RP1: variants seen among roughly 807,000 people sequenced by gnomAD.
RP1 encodes the protein RP1 axonemal microtubule associated.
In RP1, 16 loss-of-function variants were observed where a neutral mutation model predicts 14.8. That is an observed-to-expected ratio of 1.08 (90% CI 0.73 to 1.65). The LOEUF (loss-of-function observed/expected upper bound fraction) is 1.65. Among genes scored for constraint, RP1 ranks in the 40% most tolerant of loss-of-function variants. RP1 has a pLI of 0.00. For missense variants in RP1, 2,631 were observed against 2,535.0 expected (o/e 1.04, Z -0.81); for synonymous variants, 876 against 883.6 (o/e 0.99, Z 0.15).
At chr8:54,631,610 G>C (rs1432196533), downstream of RP1, among the ~76,000 whole-genome samples, 2 of 151,672 alleles carry the variant, frequency 1.3e-5, no homozygotes, top group Non-Finnish European at 2.9e-5. Context: ...TTTACAGTAG[G>C]GTATCATGCC....
At chr8:54,582,010 G>T (rs1387534176) in intron 1 of RP1, among the ~76,000 whole-genome samples, 2 of 152,168 alleles carry the variant, frequency 1.3e-5, no homozygotes, top group East Asian at 3.8e-4. Flanking sequence ...AGTTTAATTA[G>T]ATCCCATTTG....
chr8:54,769,904 G>T, exon 23 of RP1: 6 of 705,534 alleles, frequency 8.5e-6, no homozygotes, highest in South Asian at 2.0e-5. Flanking sequence ...CATCCCCTTT[G>T]ATATTTATCT....
At chr8:54,748,086 C>T (rs908312968) in intron 19 of RP1, among the ~76,000 whole-genome samples, 1 of 152,166 alleles carries the variant, frequency 6.6e-6, no homozygotes, top group Non-Finnish European at 1.5e-5. Flanking sequence ...TTATTTTAAC[C>T]TACTGCTGGT....
chr8:54,584,139 G>T (rs1337292404), intron 1 of RP1, among the ~76,000 whole-genome samples: 1 of 152,148 alleles, frequency 6.6e-6, no homozygotes, highest in Non-Finnish European at 1.5e-5. Flanking sequence ...TGGGCATTTA[G>T]TGCTATAAAT....
At chr8:54,804,633 T>C (rs1810802006) in intron 24 of RP1, among the ~76,000 whole-genome samples, 1 of 152,032 alleles carries the variant, frequency 6.6e-6, no homozygotes, top group African/African-American at 2.4e-5. Context: ...CAAAAAAACA[T>C]TAAAACCAAA....
At chr8:54,780,110 G>T (rs551472412) in intron 23 of RP1, among the ~76,000 whole-genome samples, 1 of 152,200 alleles carries the variant, frequency 6.6e-6, no homozygotes, top group Non-Finnish European at 1.5e-5. Context: ...CCTGGGTTAG[G>T]CTTTTCAGGC....
At chr8:54,854,824 C>G (rs558137598) in intron 26 of RP1, among the ~76,000 whole-genome samples, 1 of 152,276 alleles carries the variant, frequency 6.6e-6, no homozygotes, top group South Asian at 2.1e-4. Context: ...AAGACAGCAC[C>G]ATTGCACTCC....
At chr8:54,561,779 T>G (rs1415891014) in intron 1 of RP1, 1 of 152,232 alleles carries the variant, frequency 6.6e-6, no homozygotes, top group East Asian at 1.9e-4. Context: ...TGCTGGAACA[T>G]TCTATGGATA....
chr8:54,570,503 A>G (rs1441562627), intron 1 of RP1, among the ~76,000 whole-genome samples: 6 of 151,474 alleles, frequency 4.0e-5, no homozygotes, highest in African/African-American at 9.7e-5. Flanking sequence ...TAATTTTTAT[A>G]TTTTTAGTAG....
At chr8:54,617,199 T>C (rs1356791550) in intron 1 of RP1, among the ~76,000 whole-genome samples, 1 of 152,182 alleles carries the variant, frequency 6.6e-6, no homozygotes, top group Non-Finnish European at 1.5e-5. Context: ...GGCCTCAAGA[T>C]TCTACAGTTA....
intron 28 of RP1, among the ~76,000 whole-genome samples, chr8:54,868,480 A>C (rs990432459): frequency 2.0e-5 from 3 of 152,182 alleles, no homozygotes; most frequent in African/African-American, 7.2e-5. Flanking sequence ...GATAACATTT[A>C]GTTTCATGGT....
At chr8:54,759,659 T>C (rs1191213713) in intron 22 of RP1, among the ~76,000 whole-genome samples, 2 of 152,132 alleles carry the variant, frequency 1.3e-5, no homozygotes, top group African/African-American at 4.8e-5. Context: ...CCTTCTTGCT[T>C]AAGAAAGTGT....
At chr8:54,850,708 GC>G (rs1329620810) in intron 25 of RP1, among the ~76,000 whole-genome samples, 1 of 152,106 alleles carries the variant, frequency 6.6e-6, no homozygotes, top group African/African-American at 2.4e-5. Flanking sequence ...ATTTCATATT[GC>G]CTTAAAGATC....
At chr8:54,708,024 C>A (rs551122036) in intron 15 of RP1, among the ~76,000 whole-genome samples, 1 of 152,254 alleles carries the variant, frequency 6.6e-6, no homozygotes, top group Non-Finnish European at 1.5e-5. Flanking sequence ...TGTTCAGTTA[C>A]CCCCTAGGAC....
In RP1 at chr8:54,870,234, CTCCCTCCTCTCCCT is replaced by C. The variant is rs539289050; in HGVS notation, c.*295_*308del. On this transcript the variant is annotated 3_prime_UTR_variant, in exon 29 of 29. Transcript: ENST00000637698. ...CTTTCCCTTCCTCCCCACTCTTCCC[CTCCCTCCTCTCCCT>C]TCTTTCTTTTCCTTTTTCTTTCAGA... 4 of 272,398 alleles carry C rather than the reference CTCCCTCCTCTCCCT, an allele frequency of 1.5e-5. No individual in the cohort carries two copies. In the East Asian group the frequency reaches 2.5e-4, roughly 17 times the overall value. The allele number at this position is 272,398 out of a possible 1,614,324, so 16.9% of individuals were successfully genotyped here. A position where few individuals can be genotyped will look rare whatever the true frequency, so the allele number is the denominator to read the frequency against.
At chr8:54,591,232 C>T (rs553782386) in intron 1 of RP1, among the ~76,000 whole-genome samples, 47 of 152,230 alleles carry the variant, frequency 3.1e-4, no homozygotes, top group African/African-American at 9.6e-4. Context: ...ATCTAAACTC[C>T]GAACCGCAGT....
chr8:54,850,063 A>G (rs564508651), intron 25 of RP1, among the ~76,000 whole-genome samples: 7 of 152,232 alleles, frequency 4.6e-5, no homozygotes, highest in Admixed American at 1.3e-4. Context: ...TCAGAAAGGA[A>G]AATTTAACAT....
At chr8:54,624,646 C>T (rs750228102) in intron 3 of RP1, 24 bp from the exon 4 acceptor site, 10 of 1,612,584 alleles carry the variant, frequency 6.2e-6, no homozygotes, top group Middle Eastern at 1.7e-4. Context: ...ATGTGGGCAC[C>T]TTTTACTCTT....
intron 22 of RP1, among the ~76,000 whole-genome samples, chr8:54,764,330 C>A (rs1809712682): frequency 6.6e-6 from 1 of 152,256 alleles, no homozygotes; most frequent in African/African-American, 2.4e-5. Flanking sequence ...TCACTGTGTT[C>A]TCAGCTGGTG....
Sources: gnomAD v4.1 joint callset for allele counts (sites outside exome capture counted in the v4.1 genomes callset) on GRCh38, gnomAD v4.1.1 for gene constraint, MANE v1.5 for transcripts, NCBI Gene and HGNC (gene_info 2026-07-23, HGNC 2026-07-21) for gene names.